Variants in CCDC7 observed in about 807,000 individuals in gnomAD.
The protein encoded by CCDC7 is coiled-coil domain-containing protein 7.
A neutral mutation model predicts 196.9 loss-of-function variants in CCDC7; 183 were observed. The ratio of observed to expected loss-of-function variants is 0.93; its 90% CI spans 0.82 to 1.05. The LOEUF is 1.05. CCDC7 is among the 50% of genes least tolerant of loss of function. CCDC7 has a pLI of 0.00. For missense variants in CCDC7, 1,540 were observed against 1,482.2 expected (o/e 1.04, Z -0.64); for synonymous variants, 525 against 484.6 (o/e 1.08, Z -1.10).
chr10:32,524,113 G>A (rs529000850), intron 11 of CCDC7, among the ~76,000 whole-genome samples: 1 of 141,102 alleles, frequency 7.1e-6, no homozygotes, highest in African/African-American at 2.6e-5. Flanking sequence ...CTGGTGGTTT[G>A]CTTTAATTTC....
At chr10:32,771,815 G>C (rs1302781136) in intron 28 of CCDC7, among the ~76,000 whole-genome samples, 5 of 152,222 alleles carry the variant, frequency 3.3e-5, no homozygotes, top group Non-Finnish European at 1.5e-5. Flanking sequence ...GGTTAGCAGA[G>C]TGGTGCAGGC....
intron 18 of CCDC7, among the ~76,000 whole-genome samples, chr10:32,627,612 T>C (rs1590793814): frequency 6.6e-6 from 1 of 151,962 alleles, no homozygotes; most frequent in Non-Finnish European, 1.5e-5. Context: ...AGGCTTTCAA[T>C]TTTTAACTAT....
intron 20 of CCDC7, among the ~76,000 whole-genome samples, chr10:32,660,358 G>A (rs1391847664): frequency 7.2e-6 from 1 of 138,344 alleles, no homozygotes; most frequent in Non-Finnish European, 1.5e-5. Flanking sequence ...TCCCACCTAT[G>A]AGTGAGAATA....
chr10:32,566,609 G>C (rs2056827282), intron 14 of CCDC7, among the ~76,000 whole-genome samples: 1 of 151,950 alleles, frequency 6.6e-6, no homozygotes, highest in Admixed American at 6.6e-5. Context: ...ACCCAATTTA[G>C]ATAAACATTT....
In CCDC7 at chr10:32,848,576, CT is replaced by C; in HGVS notation, c.3773-16del. 3 of 1,419,858 alleles carry C rather than the reference CT, an allele frequency of 2.1e-6. No homozygotes were observed. Among genetic ancestry groups the C allele is most frequent in the Non-Finnish European group, 3.0e-6 (3 of 1,004,202 alleles). The allele number at this position is 1,419,858 out of a possible 1,614,324, so 88.0% of individuals were successfully genotyped here. On this transcript the variant is annotated intron_variant, in intron 38 of 41. Transcript: ENST00000639629. ...AGTCAAGAGTATTCATGCACTTTTTCTTTTAAAATTTTATTTTAGATGTGAA... is the reference window on the plus strand; with the variant it reads ...AGTCAAGAGTATTCATGCACTTTTTCTTTAAAATTTTATTTTAGATGTGAA...
intron 41 of CCDC7, 59 bp downstream of exon 42, chr10:32,854,548 G>T (rs965293251): frequency 1.8e-6 from 2 of 1,108,700 alleles, no homozygotes; most frequent in African/African-American, 1.6e-5. Flanking sequence ...TATTCTCATC[G>T]TCTCTATTTA....
intron 21 of CCDC7, 106 bp downstream of exon 22, chr10:32,664,267 A>T (rs987456039): frequency 1.9e-5 from 7 of 370,462 alleles, no homozygotes; most frequent in African/African-American, 1.5e-4. Context: ...GTTTTAATAT[A>T]TAAATTGTGG....
intron 41 of CCDC7, among the ~76,000 whole-genome samples, chr10:32,869,092 G>C (rs1248466373): frequency 1.3e-5 from 2 of 152,104 alleles, no homozygotes; most frequent in Non-Finnish European, 2.9e-5. Flanking sequence ...CCAGTAATGG[G>C]ATTGCTGGGT....
intron 25 of CCDC7, among the ~76,000 whole-genome samples, chr10:32,722,411 G>A (rs2082546059): frequency 6.6e-6 from 1 of 152,102 alleles, no homozygotes. Flanking sequence ...CACAAATTGG[G>A]TGGCTTCAAC....
chr10:32,578,027 G>T (rs779779887), intron 16 of CCDC7, among the ~76,000 whole-genome samples: 84 of 152,274 alleles, frequency 5.5e-4, no homozygotes, highest in Middle Eastern at 3.4e-3. Context: ...TCAGAAAATG[G>T]TTTCTTACAG....
upstream of CCDC7, among the ~76,000 whole-genome samples, chr10:32,449,209 A>T (rs1227480415): frequency 6.6e-6 from 1 of 151,792 alleles, no homozygotes; most frequent in African/African-American, 2.4e-5. Flanking sequence ...TTTATTTGAG[A>T]TGGAGTCTTA....
chr10:32,857,719 G>C (rs2093806692), intron 41 of CCDC7, among the ~76,000 whole-genome samples: 1 of 151,682 alleles, frequency 6.6e-6, no homozygotes, highest in African/African-American at 2.4e-5. Context: ...ATGCCTCAAG[G>C]AGTTGGAAAA....
intron 32 of CCDC7, among the ~76,000 whole-genome samples, chr10:32,830,394 A>T (rs987834665): frequency 1.6e-4 from 24 of 151,694 alleles, no homozygotes; most frequent in African/African-American, 5.8e-4. Flanking sequence ...AAAAGAAAAA[A>T]AAACAGGAAG....
At chr10:32,696,122 G>A (rs1038687707) in intron 24 of CCDC7, among the ~76,000 whole-genome samples, 7 of 152,006 alleles carry the variant, frequency 4.6e-5, no homozygotes, top group African/African-American at 9.7e-5. Context: ...GCAACAATTC[G>A]CCTCAGGGAC....
At chr10:32,674,059 C>T (rs2074514191) in intron 21 of CCDC7, among the ~76,000 whole-genome samples, 1 of 151,576 alleles carries the variant, frequency 6.6e-6, no homozygotes. Context: ...AAAAACCGAA[C>T]TCACATTTTC....
intron 13 of CCDC7, among the ~76,000 whole-genome samples, chr10:32,547,957 C>T (rs1036453060): frequency 1.3e-5 from 2 of 152,146 alleles, no homozygotes; most frequent in Admixed American, 6.5e-5. Flanking sequence ...CACTCTTGCC[C>T]TCAAGTCCCC....
intron 20 of CCDC7, among the ~76,000 whole-genome samples, chr10:32,654,829 A>G (rs1045776437): frequency 1.2e-4 from 18 of 152,268 alleles, no homozygotes; most frequent in South Asian, 2.1e-4. Flanking sequence ...TGTTTTGTCT[A>G]TTAGATTCCC....
At chr10:32,594,914 T>A (rs2060161284) in intron 18 of CCDC7, among the ~76,000 whole-genome samples, 1 of 152,226 alleles carries the variant, frequency 6.6e-6, no homozygotes, top group Admixed American at 6.5e-5. Context: ...TTGATCGTGG[T>A]GGATAAGCTT....
At chr10:32,708,878 G>A (rs984690279) in intron 24 of CCDC7, among the ~76,000 whole-genome samples, 1 of 152,230 alleles carries the variant, frequency 6.6e-6, no homozygotes, top group Non-Finnish European at 1.5e-5. Flanking sequence ...TGATGGGACT[G>A]TAAACTAGTT....
Sources: allele counts gnomAD v4.1 joint callset (sites outside exome capture counted in the v4.1 genomes callset), GRCh38; gene constraint gnomAD v4.1.1; transcripts MANE v1.5; gene names NCBI Gene and HGNC (gene_info 2026-07-23, HGNC 2026-07-21).